NHSL1: variants seen among roughly 807,000 people sequenced by gnomAD.
NHSL1 encodes NHS-like protein 1.
In NHSL1, 48 loss-of-function variants were observed where a neutral mutation model predicts 95.0. The observed-to-expected ratio is 0.51, with a 90% CI of 0.40 to 0.64. NHSL1 has a LOEUF of 0.64. NHSL1 is among the 30% of genes least tolerant of loss of function. The pLI is 0.00. For synonymous variants in NHSL1, 783 were observed against 833.9 expected, an observed-to-expected ratio of 0.94 and a Z score of 1.05; for missense variants, 1,971 against 2,077.7, an observed-to-expected ratio of 0.95 and a Z score of 1.00.
chr6:138,670,602 C>T (rs1267928971), intron 1 of NHSL1, among the ~76,000 whole-genome samples: 11 of 135,806 alleles, frequency 8.1e-5, no homozygotes, highest in African/African-American at 3.0e-4. Flanking sequence ...GGAGGCGGAG[C>T]TTGCAGTGAG....
upstream of NHSL1, among the ~76,000 whole-genome samples, chr6:138,547,386 CTTT>C (rs1323167583): frequency 3.3e-5 from 5 of 149,998 alleles, no homozygotes; most frequent in Admixed American, 1.3e-4. Flanking sequence ...GCTTCTTCTT[CTTT>C]TTTTTTCCCC....
chr6:138,522,691 G>T (rs550650285), intron 1 of NHSL1, among the ~76,000 whole-genome samples: 2 of 152,170 alleles, frequency 1.3e-5, no homozygotes, highest in East Asian at 1.9e-4. Context: ...CGCACATGTG[G>T]TTTCAGCTAC....
At chr6:138,595,502 G>A (rs1057169991) in intron 1 of NHSL1, among the ~76,000 whole-genome samples, 3 of 152,190 alleles carry the variant, frequency 2.0e-5, no homozygotes, top group Non-Finnish European at 4.4e-5. Flanking sequence ...CTTGTGCCCC[G>A]GGAGTTCTAG....
intron 1 of NHSL1, among the ~76,000 whole-genome samples, chr6:138,521,980 C>A (rs1039099376): frequency 1.3e-5 from 2 of 152,186 alleles, no homozygotes; most frequent in African/African-American, 4.8e-5. Flanking sequence ...CAGCCAATGA[C>A]TTCAGGAAAT....
Position 138,482,662 on chromosome 6 carries a change from C to T in NHSL1, c.212-9229G>A, listed in dbSNP as rs192660614. Among the ~76,000 whole-genome samples the T allele has an allele frequency of 1.1e-3, 168 of 152,182 alleles. 1 individual carries two copies. Among genetic ancestry groups the T allele is most frequent in the African/African-American group, 3.6e-3 (149 of 41,516 alleles). On this transcript the variant is annotated intron_variant, in intron 2 of 7. Coordinates refer to ENST00000343505, the MANE Select transcript of NHSL1 (RefSeq NM_001144060.2). The stretch of plus-strand genomic sequence containing the variant: ...AGGCAGAGCTAGCTTGGAGAAAACA[C>T]AGAATGAATACACAGAGGCATCAAC...
At chr6:138,466,380 T>C (rs1243204020) in intron 3 of NHSL1, among the ~76,000 whole-genome samples, 1 of 152,240 alleles carries the variant, frequency 6.6e-6, no homozygotes. Flanking sequence ...TTTATTGCAC[T>C]GGCTGCTTTC....
At chr6:138,679,583 G>A (rs568432042) in intron 1 of NHSL1, among the ~76,000 whole-genome samples, 1 of 152,254 alleles carries the variant, frequency 6.6e-6, no homozygotes, top group East Asian at 1.9e-4. Context: ...GAGTACAATT[G>A]AAAGGTTCAC....
At chr6:138,635,862 C>G (rs781671744) in intron 1 of NHSL1, among the ~76,000 whole-genome samples, 2 of 151,498 alleles carry the variant, frequency 1.3e-5, no homozygotes, top group Non-Finnish European at 2.9e-5. Context: ...GCCAGTAATC[C>G]CAGCACTTTG....
At chr6:138,653,220 C>G (rs2114713902) in intron 1 of NHSL1, among the ~76,000 whole-genome samples, 1 of 152,294 alleles carries the variant, frequency 6.6e-6, no homozygotes, top group Middle Eastern at 3.4e-3. Context: ...CCAGGTCTAA[C>G]TAGGTGACAT....
intron 1 of NHSL1, among the ~76,000 whole-genome samples, chr6:138,567,325 C>T (rs1021381449): frequency 3.9e-5 from 6 of 152,078 alleles, no homozygotes; most frequent in African/African-American, 1.4e-4. Flanking sequence ...GACAAGGTTT[C>T]GTCGTGTTCC....
rs924951099 is a variant in NHSL1, at chr6:138,433,307, A to G, written c.1038T>C (p.Pro346=). 6.4e-7 allele frequency: 1 copy of G among 1,551,494 alleles called. No homozygotes were observed. Among genetic ancestry groups the G allele is most frequent in the African/African-American group, 1.4e-5 (1 of 72,994 alleles). The change falls in exon 6 of 8, where the codon CCT becomes CCC. Residue 346 remains proline, a synonymous_variant. Transcript: ENST00000343505. ...SLEPRLGALG[P]AGDMNGTFLY... Reference sequence around the variant, plus strand: ...GGAAAGTGCCATTCATGTCTCCTGCAGGGCCGAGGGCACCCAGCCTCGGCT... The same window carrying G: ...GGAAAGTGCCATTCATGTCTCCTGCGGGGCCGAGGGCACCCAGCCTCGGCT...
intron 1 of NHSL1, among the ~76,000 whole-genome samples, chr6:138,639,859 T>A (rs1784937483): frequency 6.8e-6 from 1 of 148,142 alleles, no homozygotes; most frequent in South Asian, 2.1e-4. Flanking sequence ...ACCTTCTCAT[T>A]CTTACAAACC....
chr6:138,498,751 AAG>A (rs1177312824), intron 1 of NHSL1, among the ~76,000 whole-genome samples: 1 of 152,182 alleles, frequency 6.6e-6, no homozygotes, highest in Non-Finnish European at 1.5e-5. Flanking sequence ...ATACACAACA[AAG>A]AGTGCCAGGG....
At chr6:138,610,903 T>A (rs140417391) in intron 1 of NHSL1, among the ~76,000 whole-genome samples, 1 of 151,804 alleles carries the variant, frequency 6.6e-6, no homozygotes, top group Non-Finnish European at 1.5e-5. Context: ...CGTGGTGAAA[T>A]CCCATCTCTA....
intron 1 of NHSL1, among the ~76,000 whole-genome samples, chr6:138,562,950 G>C (rs1475250589): frequency 6.6e-6 from 1 of 152,160 alleles, no homozygotes; most frequent in Non-Finnish European, 1.5e-5. Context: ...TCAAGTCTAG[G>C]AGAAGTATGA....
intron 3 of NHSL1, among the ~76,000 whole-genome samples, chr6:138,466,467 A>C (rs187516616): frequency 7.2e-5 from 11 of 152,360 alleles, no homozygotes; most frequent in African/African-American, 2.6e-4. Context: ...TCATTCTTTC[A>C]ATCCCAATCA....
At chr6:138,518,033 G>GA (rs1433765080) in intron 1 of NHSL1, among the ~76,000 whole-genome samples, 4 of 152,172 alleles carry the variant, frequency 2.6e-5, no homozygotes, top group Non-Finnish European at 5.9e-5. Flanking sequence ...AGATGGTGGG[G>GA]AGGGGCAGTA....
chr6:138,447,256 A>C (rs1347995604), intron 3 of NHSL1, 63 bp from the exon 4 acceptor site: 1 of 1,340,920 alleles, frequency 7.5e-7, no homozygotes, highest in African/African-American at 1.5e-5. Flanking sequence ...ATTTTAAAAT[A>C]TATTTCTTAT....
At chr6:138,534,497 C>G (rs1030509569) in intron 1 of NHSL1, among the ~76,000 whole-genome samples, 2 of 152,120 alleles carry the variant, frequency 1.3e-5, no homozygotes, top group Non-Finnish European at 2.9e-5. Context: ...ACCAGCAGAG[C>G]CTTTTTCATA....
Sources: gnomAD v4.1 joint callset for allele counts (sites outside exome capture counted in the v4.1 genomes callset) on GRCh38, gnomAD v4.1.1 for gene constraint, MANE v1.5 for transcripts, NCBI Gene and HGNC (gene_info 2026-07-23, HGNC 2026-07-21) for gene names.